TBXAS1: variants seen among roughly 807,000 people sequenced by gnomAD.
TBXAS1 encodes thromboxane-A synthase.
In TBXAS1, 48 loss-of-function variants were observed where a neutral mutation model predicts 60.7. The ratio of observed to expected loss-of-function variants is 0.79; its 90% CI spans 0.63 to 1.01. TBXAS1 has a LOEUF of 1.01. Among genes scored for constraint, TBXAS1 ranks in the 50% least tolerant of loss-of-function variants. TBXAS1 has a pLI of 0.00. For synonymous variants in TBXAS1, 287 were observed against 269.7 expected (o/e 1.06, Z -0.63); for missense variants, 685 against 686.3 (o/e 1.00, Z 0.02).
Position 139,911,326 on chromosome 7 carries a change from G to C in TBXAS1, c.333+5G>C, listed in dbSNP as rs567110180. 2.5e-6 allele frequency: 4 copies of C among 1,612,110 alleles called. No individual in the cohort carries two copies. Among genetic ancestry groups the C allele is most frequent in the South Asian group, 2.2e-5 (2 of 91,040 alleles). ...AGTAACTTTACCAACAGAATGGTACGTAGTTTTCTTTCCGCATATAGATGG... is the reference window on the plus strand; with the variant it reads ...AGTAACTTTACCAACAGAATGGTACCTAGTTTTCTTTCCGCATATAGATGG... On this transcript the variant is annotated splice_donor_5th_base_variant and intron_variant, in intron 4 of 12. Transcript: ENST00000448866.
intron 9 of TBXAS1, among the ~76,000 whole-genome samples, chr7:139,993,744 T>C (rs1157654786): frequency 6.6e-6 from 1 of 152,226 alleles, no homozygotes; most frequent in Non-Finnish European, 1.5e-5. Flanking sequence ...TCCCAAGGCC[T>C]GAGGTCTAAC....
At chr7:139,935,472 T>C (rs780874345) in intron 4 of TBXAS1, among the ~76,000 whole-genome samples, 6 of 152,164 alleles carry the variant, frequency 3.9e-5, no homozygotes, top group Non-Finnish European at 8.8e-5. Context: ...CGCCCAGATA[T>C]AGAAGGCTGA....
At chr7:139,886,428 G>A (rs1803116969) in intron 3 of TBXAS1, among the ~76,000 whole-genome samples, 1 of 144,542 alleles carries the variant, frequency 6.9e-6, no homozygotes, top group Non-Finnish European at 1.5e-5. Flanking sequence ...GGCTTAAAGA[G>A]GAACCTATTA....
chr7:139,913,420 C>A, intron 4 of TBXAS1: 1 of 442,980 alleles, frequency 2.3e-6, no homozygotes, highest in South Asian at 2.9e-5. Flanking sequence ...AAGGTACTCC[C>A]AGGAGCCTGT....
intron 9 of TBXAS1, among the ~76,000 whole-genome samples, chr7:139,996,429 A>T (rs1018162348): frequency 6.6e-6 from 1 of 151,954 alleles, no homozygotes; most frequent in African/African-American, 2.4e-5. Flanking sequence ...ATCCCAGAGG[A>T]CTCATCCCCG....
At chr7:139,983,599 C>T (rs1224797339) in intron 9 of TBXAS1, among the ~76,000 whole-genome samples, 2 of 152,112 alleles carry the variant, frequency 1.3e-5, no homozygotes, top group Non-Finnish European at 1.5e-5. Context: ...CCCAATAGAT[C>T]TCCATGTATT....
intron 4 of TBXAS1, among the ~76,000 whole-genome samples, chr7:139,914,730 A>G (rs1211776433): frequency 2.0e-5 from 3 of 152,112 alleles, no homozygotes; most frequent in African/African-American, 7.2e-5. Context: ...GGCAGCGCTC[A>G]CCATGTGTGT....
intron 1 of TBXAS1, among the ~76,000 whole-genome samples, chr7:139,863,200 G>A (rs773732322): frequency 1.3e-5 from 2 of 152,170 alleles, no homozygotes; most frequent in Non-Finnish European, 2.9e-5. Context: ...AGTAATGATT[G>A]TGTAACTCTT....
chr7:140,005,318 A>T (rs938559191), intron 9 of TBXAS1, among the ~76,000 whole-genome samples: 1 of 152,150 alleles, frequency 6.6e-6, no homozygotes, highest in African/African-American at 2.4e-5. Flanking sequence ...AATCCCAGCT[A>T]TTTGAGAGGC....
intron 1 of TBXAS1, among the ~76,000 whole-genome samples, chr7:139,847,566 T>G (rs1159304091): frequency 6.6e-6 from 1 of 152,102 alleles, no homozygotes; most frequent in Admixed American, 6.5e-5. Flanking sequence ...ACCAACTCAC[T>G]AACCGCCTCT....
intron 9 of TBXAS1, among the ~76,000 whole-genome samples, chr7:139,994,771 G>A (rs1813174830): frequency 1.3e-5 from 2 of 152,204 alleles, no homozygotes; most frequent in Non-Finnish European, 2.9e-5. Flanking sequence ...GGTTCTTAGA[G>A]TTGGTAGCAA....
intron 1 of TBXAS1, among the ~76,000 whole-genome samples, chr7:139,863,380 A>G (rs1278465254): frequency 6.6e-6 from 1 of 152,024 alleles, no homozygotes; most frequent in Non-Finnish European, 1.5e-5. Flanking sequence ...TTTTTTCCAG[A>G]GGGGTAAAGA....
At chr7:139,964,960 G>C (rs890710950) in intron 9 of TBXAS1, among the ~76,000 whole-genome samples, 6 of 152,176 alleles carry the variant, frequency 3.9e-5, no homozygotes, top group African/African-American at 1.4e-4. Context: ...CATGCCAGTG[G>C]CTCATCCCAG....
chr7:139,880,589 C>T (rs924596343), intron 3 of TBXAS1, among the ~76,000 whole-genome samples: 1 of 152,204 alleles, frequency 6.6e-6, no homozygotes, highest in Non-Finnish European at 1.5e-5. Flanking sequence ...ATGATACATG[C>T]TGTTCTTTAC....
intron 3 of TBXAS1, among the ~76,000 whole-genome samples, chr7:139,876,270 T>C (rs1802229574): frequency 6.6e-6 from 1 of 152,188 alleles, no homozygotes; most frequent in Non-Finnish European, 1.5e-5. Flanking sequence ...ATTTCTCCTT[T>C]GTATGCTCCT....
At chr7:139,818,755 G>A (rs576881201) in intron 4 of TBXAS1, among the ~76,000 whole-genome samples, 27 of 152,298 alleles carry the variant, frequency 1.8e-4, no homozygotes, top group Admixed American at 3.9e-4. Context: ...TAGAAACCAC[G>A]TTCTCAGAGG....
At chr7:139,837,772 A>T (rs1799164937) in intron 1 of TBXAS1, among the ~76,000 whole-genome samples, 1 of 152,210 alleles carries the variant, frequency 6.6e-6, no homozygotes, top group African/African-American at 2.4e-5. Context: ...GAACTTACTC[A>T]TGTAACCAAA....
At chr7:139,952,865 C>A (rs1320655880) in intron 5 of TBXAS1, among the ~76,000 whole-genome samples, 1 of 152,160 alleles carries the variant, frequency 6.6e-6, no homozygotes. Context: ...TAAATAATTT[C>A]TGTGTTAAAT....
intron 3 of TBXAS1, among the ~76,000 whole-genome samples, chr7:139,886,171 G>A (rs988800329): frequency 1.3e-5 from 2 of 152,084 alleles, no homozygotes; most frequent in Admixed American, 6.6e-5. Flanking sequence ...ACGAAAATAA[G>A]TTCTTTGATT....
Sources: gnomAD v4.1 joint callset for allele counts (sites outside exome capture counted in the v4.1 genomes callset) on GRCh38, gnomAD v4.1.1 for gene constraint, MANE v1.5 for transcripts, NCBI Gene and HGNC (gene_info 2026-07-23, HGNC 2026-07-21) for gene names.